CADPS: variants seen among roughly 807,000 people sequenced by gnomAD.
CADPS encodes the protein calcium dependent secretion activator.
CADPS carries 57 observed loss-of-function variants against 167.3 expected under a neutral mutation model. The ratio of observed to expected loss-of-function variants is 0.34; its 90% CI spans 0.28 to 0.42. The LOEUF (loss-of-function observed/expected upper bound fraction) is 0.42, where lower values mean the gene tolerates loss of function less well. Ranked by LOEUF, CADPS falls within the 20% of genes least tolerant of loss-of-function variation. The pLI is 1.00. For missense variants in CADPS, 1,414 were observed against 1,738.1 expected (o/e 0.81, Z 3.32); for synonymous variants, 676 against 635.3 (o/e 1.06, Z -0.96).
chr3:62,781,685 G>C (rs1291217927), intron 1 of CADPS, among the ~76,000 whole-genome samples: 2 of 152,048 alleles, frequency 1.3e-5, no homozygotes, highest in Non-Finnish European at 2.9e-5. Flanking sequence ...TTGTGTGTGG[G>C]GGCACATGGC....
chr3:62,790,639 GT>G (rs2092850667), intron 1 of CADPS, among the ~76,000 whole-genome samples: 1 of 152,180 alleles, frequency 6.6e-6, no homozygotes, highest in African/African-American at 2.4e-5. Flanking sequence ...TACATCTCCT[GT>G]TTGAGCCTTC....
At chr3:62,617,894 C>G (rs1488180527) in intron 6 of CADPS, among the ~76,000 whole-genome samples, 1 of 152,112 alleles carries the variant, frequency 6.6e-6, no homozygotes, top group Non-Finnish European at 1.5e-5. Flanking sequence ...TTTGCCTGCT[C>G]AACGTCCTTG....
chr3:62,444,298 G>C (rs1437741096), intron 27 of CADPS, among the ~76,000 whole-genome samples: 1 of 152,334 alleles, frequency 6.6e-6, no homozygotes, highest in East Asian at 1.9e-4. Flanking sequence ...ATGCAATAGA[G>C]TGTGGACATC....
At chr3:62,715,727 C>T (rs2084394060) in intron 3 of CADPS, among the ~76,000 whole-genome samples, 1 of 145,372 alleles carries the variant, frequency 6.9e-6, no homozygotes, top group South Asian at 2.2e-4. Flanking sequence ...TGTGGTACCA[C>T]ATTTCAATTT....
At chr3:62,615,356 T>C (rs149346008) in intron 6 of CADPS, among the ~76,000 whole-genome samples, 1 of 152,192 alleles carries the variant, frequency 6.6e-6, no homozygotes, top group Non-Finnish European at 1.5e-5. Flanking sequence ...AGAGTGACTC[T>C]TAGTTGGGAG....
chr3:62,599,608 ATAT>A (rs1399972966), intron 6 of CADPS, among the ~76,000 whole-genome samples: 2 of 67,052 alleles, frequency 3.0e-5, no homozygotes, highest in Non-Finnish European at 5.2e-5. Context: ...TATATTTATT[ATAT>A]TATATATAAT....
At chr3:62,658,542 G>A (rs2072313704) in intron 4 of CADPS, among the ~76,000 whole-genome samples, 2 of 152,110 alleles carry the variant, frequency 1.3e-5, no homozygotes, top group African/African-American at 2.4e-5. Flanking sequence ...GTGAAATGGG[G>A]ATAATAATAG....
chr3:62,647,370 G>C (rs1035178417), intron 5 of CADPS, among the ~76,000 whole-genome samples: 5 of 152,170 alleles, frequency 3.3e-5, no homozygotes, highest in African/African-American at 1.2e-4. Flanking sequence ...TTAAACTAGA[G>C]ATTGCTAGGC....
chr3:62,828,203 G>A (rs1222335533), intron 1 of CADPS, among the ~76,000 whole-genome samples: 21 of 152,104 alleles, frequency 1.4e-4, no homozygotes. Flanking sequence ...GAGATCTACT[G>A]ACACATGGTG....
intron 1 of CADPS, among the ~76,000 whole-genome samples, chr3:62,790,589 T>G (rs899448680): frequency 6.6e-6 from 1 of 152,186 alleles, no homozygotes. Flanking sequence ...AAATATCATT[T>G]TGCACCTAGG....
intron 1 of CADPS, among the ~76,000 whole-genome samples, chr3:62,857,063 A>G (rs2079852409): frequency 6.6e-6 from 1 of 152,222 alleles, no homozygotes; most frequent in East Asian, 1.9e-4. Context: ...ACGGTCCATC[A>G]CAAATGACAA....
Position 62,646,734 on chromosome 3 carries a change from G to A in CADPS, c.1204-891C>T, listed in dbSNP as rs55904396. The stretch of plus-strand genomic sequence containing the variant: ...TTGCCTTGTCTTTTCTCACTTTAGA[G>A]TTACCAGATACTCCAATTTTGCCTT... On this transcript the variant is annotated intron_variant, in intron 5 of 29. Coordinates refer to ENST00000383710, the MANE Select transcript of CADPS (RefSeq NM_003716.4). 4.9e-3 allele frequency among the ~76,000 whole-genome samples: 745 copies of A among 152,294 alleles called. 7 individuals are homozygous for A. Among genetic ancestry groups the A allele is most frequent in the African/African-American group, 0.017 (687 of 41,560 alleles).
At chr3:62,519,751 C>G (rs1207546154) in intron 13 of CADPS, among the ~76,000 whole-genome samples, 1 of 151,980 alleles carries the variant, frequency 6.6e-6, no homozygotes. Flanking sequence ...TCTTGAGTAG[C>G]TGGGATTATG....
chr3:62,500,849 G>A (rs1287689669), intron 17 of CADPS, among the ~76,000 whole-genome samples: 7 of 152,050 alleles, frequency 4.6e-5, no homozygotes, highest in East Asian at 1.9e-4. Flanking sequence ...CATTTCTTAC[G>A]TAATGAACAT....
chr3:62,599,263 T>C (rs536936582), intron 6 of CADPS, among the ~76,000 whole-genome samples: 21 of 151,872 alleles, frequency 1.4e-4, no homozygotes, highest in African/African-American at 4.6e-4. Flanking sequence ...TGTGATCCCA[T>C]CCTTTCCTCC....
At chr3:62,597,826 G>A (rs1453042806) in intron 6 of CADPS, among the ~76,000 whole-genome samples, 1 of 152,028 alleles carries the variant, frequency 6.6e-6, no homozygotes, top group African/African-American at 2.4e-5. Flanking sequence ...GGTCACTAAT[G>A]AATCCCAGTT....
chr3:62,720,796 G>A (rs973302976), intron 3 of CADPS, among the ~76,000 whole-genome samples: 3 of 150,282 alleles, frequency 2.0e-5, no homozygotes, highest in Non-Finnish European at 4.4e-5. Flanking sequence ...TTTCCATATT[G>A]TCCATTATAT....
chr3:62,598,495 C>G (rs2059241190), intron 6 of CADPS, among the ~76,000 whole-genome samples: 4 of 152,182 alleles, frequency 2.6e-5, no homozygotes. Flanking sequence ...CCTTTTGTAG[C>G]CACGGAGAGA....
At chr3:62,471,712 C>G (rs905279659) in intron 24 of CADPS, among the ~76,000 whole-genome samples, 1 of 152,080 alleles carries the variant, frequency 6.6e-6, no homozygotes, top group African/African-American at 2.4e-5. Context: ...TGGCCTAGCA[C>G]CATCCTTAGA....
Sources: gnomAD v4.1 joint callset for allele counts (sites outside exome capture counted in the v4.1 genomes callset) on GRCh38, gnomAD v4.1.1 for gene constraint, MANE v1.5 for transcripts, NCBI Gene and HGNC (gene_info 2026-07-23, HGNC 2026-07-21) for gene names.